CLDN16: variants seen among roughly 807,000 people sequenced by gnomAD.
CLDN16 encodes the protein claudin 16.
CLDN16 carries 13 observed loss-of-function variants against 24.6 expected under a neutral mutation model. The observed-to-expected ratio is 0.53, with a 90% confidence interval of 0.34 to 0.84. The LOEUF (loss-of-function observed/expected upper bound fraction) is 0.84. CLDN16 is among the 40% of genes least tolerant of loss of function. The pLI, the probability that CLDN16 is intolerant of heterozygous loss-of-function variation, is 0.01. For synonymous variants in CLDN16, 116 were observed against 106.7 expected (o/e 1.09, Z -0.54); for missense variants, 298 against 292.7 (o/e 1.02, Z -0.13).
chr3:190,395,676 A>T (rs528754986), intron 1 of CLDN16, among the ~76,000 whole-genome samples: 1 of 152,228 alleles, frequency 6.6e-6, no homozygotes, highest in Admixed American at 6.5e-5. Flanking sequence ...CATGGATAGT[A>T]AAGTGGTGTG....
intron 1 of CLDN16, among the ~76,000 whole-genome samples, chr3:190,331,857 A>G (rs1033099287): frequency 1.4e-4 from 22 of 152,298 alleles, no homozygotes; most frequent in Middle Eastern, 6.8e-3. Context: ...CCACAAGCCT[A>G]TGTACTTCTC....
At chr3:190,383,955 C>T (rs1718427493), upstream of CLDN16, among the ~76,000 whole-genome samples, 1 of 152,136 alleles carries the variant, frequency 6.6e-6, no homozygotes, top group African/African-American at 2.4e-5. Context: ...ATTCATTTTT[C>T]ACAGCCATTT....
chr3:190,302,943 C>T, the CLDN16 span, among the ~76,000 whole-genome samples: 33 of 151,688 alleles, frequency 2.2e-4, no homozygotes, highest in African/African-American at 7.5e-4. Flanking sequence ...AACCCCAAAG[C>T]CTATCTCTGG....
chr3:190,353,465 AC>A (rs924846467), intron 1 of CLDN16, among the ~76,000 whole-genome samples: 7 of 152,148 alleles, frequency 4.6e-5, no homozygotes, highest in Non-Finnish European at 8.8e-5. Context: ...TAAAGCATGT[AC>A]CCCAGGAATA....
At chr3:190,385,097 G>A (rs185567212), upstream of CLDN16, among the ~76,000 whole-genome samples, 685 of 152,168 alleles carry the variant, frequency 4.5e-3, 11 homozygotes, top group South Asian at 0.055. Flanking sequence ...TCTTCCAACC[G>A]TTTATTTTCT....
At position 190,323,465 on chromosome 3, in the gene CLDN16, T is replaced by C. The variant is rs1338369390; in HGVS notation, n.121+804T>C. On this transcript the variant is annotated intron_variant and non_coding_transcript_variant, in intron 1 of 4. Coordinates refer to the CLDN16 transcript ENST00000468220. ...CTGGGACTGTAGTTTCCCTCTATGTTTCTCCAAAGCTTCCTTCTTTGTAGT... is the reference window on the plus strand; with the variant it reads ...CTGGGACTGTAGTTTCCCTCTATGTCTCTCCAAAGCTTCCTTCTTTGTAGT... Among the ~76,000 whole-genome samples, 4 of 152,334 alleles carry C rather than the reference T, an allele frequency of 2.6e-5. No individual in the cohort carries two copies. The East Asian group carries it at 5.8e-4, about 22-fold the overall frequency.
chr3:190,325,398 T>G (rs1025836834), intron 1 of CLDN16, among the ~76,000 whole-genome samples: 2 of 152,194 alleles, frequency 1.3e-5, no homozygotes. Context: ...TGGCAAGATA[T>G]TTTACTCTGT....
At chr3:190,340,792 A>C (rs529966663) in intron 1 of CLDN16, among the ~76,000 whole-genome samples, 1 of 152,318 alleles carries the variant, frequency 6.6e-6, no homozygotes, top group Admixed American at 6.5e-5. Context: ...TAAAATCAAA[A>C]TCAAGTTAGT....
At chr3:190,401,832 T>G (rs1718969406) in intron 1 of CLDN16, among the ~76,000 whole-genome samples, 1 of 152,068 alleles carries the variant, frequency 6.6e-6, no homozygotes, top group Non-Finnish European at 1.5e-5. Context: ...GCTAATTATT[T>G]TATATTTATA....
At chr3:190,308,318 A>G in the CLDN16 span, 1 of 1,613,816 alleles carries the variant, frequency 6.2e-7, no homozygotes, top group Non-Finnish European at 8.5e-7. Flanking sequence ...GGTTTTGGAT[A>G]GGGCCTTGGT....
the CLDN16 span, among the ~76,000 whole-genome samples, chr3:190,295,684 G>A: frequency 6.6e-6 from 1 of 152,018 alleles, no homozygotes; most frequent in African/African-American, 2.4e-5. Flanking sequence ...TATGAGTTTG[G>A]GCAAAACTCT....
At chr3:190,350,508 G>A (rs1049880335) in intron 1 of CLDN16, among the ~76,000 whole-genome samples, 3 of 151,956 alleles carry the variant, frequency 2.0e-5, no homozygotes, top group Middle Eastern at 6.3e-3. Context: ...AAAAGTATTC[G>A]ATACCAAAAT....
the CLDN16 span, among the ~76,000 whole-genome samples, chr3:190,310,823 T>G: frequency 6.6e-6 from 1 of 152,164 alleles, no homozygotes. Context: ...GGCCTGAGAT[T>G]TGTTGAGGGT....
rs570569324 is a variant in CLDN16 at position 190,335,355 on chromosome 3, T to G, written n.121+12694T>G. Among the ~76,000 whole-genome samples the G allele has an allele frequency of 2.3e-3, 351 of 152,194 alleles. 3 individuals are homozygous for G. The highest frequency in any genetic ancestry group is 4.2e-3 in the Non-Finnish European group (286 of 68,006). On this transcript the variant is annotated intron_variant and non_coding_transcript_variant, in intron 1 of 4. Coordinates refer to the CLDN16 transcript ENST00000468220. ...CACTGCACCTGGCCCTGAGGATGAA[T>G]TCTTCTGAAATCACATCTTCATCTA... is the stretch of plus-strand genomic sequence containing the variant.
intron 1 of CLDN16, among the ~76,000 whole-genome samples, chr3:190,398,224 G>A (rs780138357): frequency 2.3e-4 from 35 of 152,256 alleles, no homozygotes; most frequent in Admixed American, 1.4e-3. Flanking sequence ...TATAGTTGCC[G>A]TAACAAATGA....
At chr3:190,309,703 C>T in the CLDN16 span, among the ~76,000 whole-genome samples, 2 of 152,114 alleles carry the variant, frequency 1.3e-5, no homozygotes, top group African/African-American at 2.4e-5. Flanking sequence ...TAAAAACATA[C>T]ATAATAGCTT....
In CLDN16 at chr3:190,392,059, C is replaced by T. The variant is rs79827022; in HGVS notation, c.114+3616C>T. Among the ~76,000 whole-genome samples the T allele has an allele frequency of 3.4e-3, 432 of 126,058 alleles. 4 individuals carry two copies. The highest frequency in any genetic ancestry group is 5.1e-3 in the Non-Finnish European group (301 of 59,284). The allele number at this position is 126,058 out of a possible 152,430, so 82.7% of individuals were successfully genotyped here. A position where few individuals can be genotyped will look rare whatever the true frequency, so the allele number is the denominator to read the frequency against. On this transcript the variant is annotated intron_variant, in intron 1 of 4. Transcript: ENST00000264734. ...AGTTGTTTCTAAGGTCCTTTTCAGT[C>T]TTTTTTTTTTTTTTTTTAACATCAT...
chr3:190,363,722 G>A (rs1474918953), intron 1 of CLDN16, among the ~76,000 whole-genome samples: 23 of 151,156 alleles, frequency 1.5e-4, no homozygotes, highest in African/African-American at 5.3e-4. Flanking sequence ...CGGCCTATTT[G>A]GTTGTTTAGT....
chr3:190,348,770 A>C (rs994663831), intron 1 of CLDN16, among the ~76,000 whole-genome samples: 2 of 152,092 alleles, frequency 1.3e-5, no homozygotes, highest in Non-Finnish European at 2.9e-5. Flanking sequence ...CCCAGGTACT[A>C]AGCCTAGTAC....
Sources: gnomAD v4.1 joint callset for allele counts (sites outside exome capture counted in the v4.1 genomes callset) on GRCh38, gnomAD v4.1.1 for gene constraint, MANE v1.5 for transcripts, NCBI Gene and HGNC (gene_info 2026-07-23, HGNC 2026-07-21) for gene names.